EPHB1: variants seen among roughly 807,000 people sequenced by gnomAD.
EPHB1 encodes ephrin type-B receptor 1.
A neutral mutation model predicts 94.4 loss-of-function variants in EPHB1; 30 were observed. The ratio of observed to expected loss-of-function variants is 0.32; its 90% CI spans 0.24 to 0.43. The LOEUF (loss-of-function observed/expected upper bound fraction) is 0.43, where lower values mean the gene tolerates loss of function less well. EPHB1 is among the 20% of genes least tolerant of loss of function. The pLI is 1.00. For synonymous variants in EPHB1, 522 were observed against 489.1 expected, an observed-to-expected ratio of 1.07 and a Z score of -0.89; for missense variants, 1,055 against 1,308.3, an observed-to-expected ratio of 0.81 and a Z score of 2.99.
intron 3 of EPHB1, chr3:135,067,925 C>T (rs533961961): frequency 3.9e-5 from 6 of 152,350 alleles, no homozygotes; most frequent in African/African-American, 1.2e-4. Context: ...CAGGTAAGGT[C>T]GGAATCTTCT....
chr3:134,836,922 ATAGAC>A (rs2036682881), intron 1 of EPHB1, among the ~76,000 whole-genome samples: 1 of 152,244 alleles, frequency 6.6e-6, no homozygotes. Flanking sequence ...TGTCAATAGA[ATAGAC>A]TACTATTATT....
intron 6 of EPHB1, among the ~76,000 whole-genome samples, chr3:135,155,720 G>A (rs1183597257): frequency 1.4e-5 from 2 of 147,228 alleles, no homozygotes; most frequent in African/African-American, 2.6e-5. Context: ...AACCCAGGAG[G>A]TGGAGGTTGC....
chr3:134,833,323 TAG>T (rs2036610907), intron 1 of EPHB1, among the ~76,000 whole-genome samples: 1 of 152,206 alleles, frequency 6.6e-6, no homozygotes, highest in Non-Finnish European at 1.5e-5. Flanking sequence ...CTGCCCAGGA[TAG>T]AGTGTGCTGG....
intron 1 of EPHB1, among the ~76,000 whole-genome samples, chr3:134,872,855 G>A (rs2037531385): frequency 2.0e-5 from 3 of 152,146 alleles, no homozygotes. Context: ...ATTTTTCCCG[G>A]TATCCCTTGT....
intron 3 of EPHB1, among the ~76,000 whole-genome samples, chr3:135,044,715 C>A (rs944072895): frequency 2.6e-5 from 4 of 152,182 alleles, no homozygotes; most frequent in African/African-American, 9.7e-5. Context: ...ATAAATGACA[C>A]TGATTGTTCT....
At chr3:135,235,048 C>T (rs1413416011) in intron 12 of EPHB1, among the ~76,000 whole-genome samples, 1 of 152,224 alleles carries the variant, frequency 6.6e-6, no homozygotes, top group Non-Finnish European at 1.5e-5. Context: ...GGTTCTCAGG[C>T]TTGGTTGCTC....
chr3:134,863,697 G>T (rs991920393), intron 1 of EPHB1, among the ~76,000 whole-genome samples: 1 of 152,206 alleles, frequency 6.6e-6, no homozygotes, highest in African/African-American at 2.4e-5. Context: ...CACAAAGCCT[G>T]GAAATAGAAG....
chr3:135,091,143 T>A (rs1938535931), intron 3 of EPHB1, among the ~76,000 whole-genome samples: 1 of 152,154 alleles, frequency 6.6e-6, no homozygotes, highest in Non-Finnish European at 1.5e-5. Context: ...TAGATGCCCT[T>A]GCATCCCAGT....
Position 134,795,696 on chromosome 3 carries a change from T to G in EPHB1, c.58+7T>G. On this transcript the variant is annotated splice_region_variant and intron_variant, in intron 1 of 15. Coordinates refer to ENST00000398015, the MANE Select transcript of EPHB1 (RefSeq NM_004441.5). The stretch of plus-strand genomic sequence containing the variant: ...GCAGTGGCTGCGATGGAAGGTAACG[T>G]ACCCTCCACGGAGCAAGTTGGCTGC... 6.2e-7 allele frequency: 1 copy of G among 1,609,022 alleles called. No individual in the cohort carries two copies. Among genetic ancestry groups the G allele is most frequent in the Non-Finnish European group, 8.5e-7 (1 of 1,178,040 alleles).
intron 3 of EPHB1, among the ~76,000 whole-genome samples, chr3:135,049,401 A>G (rs900138805): frequency 6.6e-6 from 1 of 152,172 alleles, no homozygotes; most frequent in Admixed American, 6.5e-5. Context: ...GGTCGTCACA[A>G]AGGCTTCTTC....
At chr3:135,209,080 T>C (rs1377753625) in intron 12 of EPHB1, among the ~76,000 whole-genome samples, 1 of 152,204 alleles carries the variant, frequency 6.6e-6, no homozygotes, top group Non-Finnish European at 1.5e-5. Flanking sequence ...TAACAAGTTA[T>C]AATCTACTGA....
intron 2 of EPHB1, among the ~76,000 whole-genome samples, chr3:134,944,969 A>G (rs2039188374): frequency 1.3e-5 from 2 of 152,212 alleles, no homozygotes; most frequent in African/African-American, 4.8e-5. Context: ...CCCAAAAAGT[A>G]TCATAATGTG....
At chr3:135,226,837 GAA>G (rs918109527) in intron 12 of EPHB1, among the ~76,000 whole-genome samples, 1 of 149,830 alleles carries the variant, frequency 6.7e-6, no homozygotes, top group African/African-American at 2.5e-5. Flanking sequence ...AGTCATTAAG[GAA>G]AAAAAAAAAG....
intron 3 of EPHB1, among the ~76,000 whole-genome samples, chr3:135,073,550 T>C (rs1417587068): frequency 6.6e-6 from 1 of 152,196 alleles, no homozygotes; most frequent in Non-Finnish European, 1.5e-5. Context: ...AGATAAGAAT[T>C]CTTCAGAGTA....
chr3:134,998,111 G>A (rs1421127844), intron 3 of EPHB1, among the ~76,000 whole-genome samples: 3 of 152,174 alleles, frequency 2.0e-5, no homozygotes, highest in Admixed American at 2.0e-4. Flanking sequence ...TGCTCAGGTG[G>A]CACGGCAGAT....
intron 4 of EPHB1, among the ~76,000 whole-genome samples, chr3:135,107,625 A>G (rs972378312): frequency 3.9e-5 from 6 of 152,210 alleles, no homozygotes; most frequent in African/African-American, 1.4e-4. Context: ...TCCCCATCAC[A>G]GAAGAATATT....
chr3:135,170,806 G>A (rs1941784172), intron 9 of EPHB1, among the ~76,000 whole-genome samples: 1 of 152,198 alleles, frequency 6.6e-6, no homozygotes, highest in African/African-American at 2.4e-5. Context: ...TTTCTGAGTT[G>A]GCTGGAATGT....
Position 135,249,312 on chromosome 3 carries a change from ACCTGCCCATCTCTG to A in EPHB1, c.2691-23_2691-10del. 2 of 1,598,584 alleles carry A rather than the reference ACCTGCCCATCTCTG, an allele frequency of 1.3e-6. No individual in the cohort carries two copies. The highest frequency in any genetic ancestry group is 2.7e-5 in the African/African-American group (2 of 74,946). On this transcript the variant is annotated splice_polypyrimidine_tract_variant and intron_variant, in intron 14 of 15. Coordinates refer to ENST00000398015, the MANE Select transcript of EPHB1 (RefSeq NM_004441.5). ...CCATGCATCTCTGCAATGTGTGGTCACCTGCCCATCTCTGTCTCACCAGGCCTTCCCAGCCCCTG... is the reference window on the plus strand; with the variant it reads ...CCATGCATCTCTGCAATGTGTGGTCATCTCACCAGGCCTTCCCAGCCCCTG...
chr3:135,117,484 G>T (rs951808044), intron 4 of EPHB1, among the ~76,000 whole-genome samples: 2 of 152,202 alleles, frequency 1.3e-5, no homozygotes, highest in Non-Finnish European at 2.9e-5. Flanking sequence ...TCTGCAGTCT[G>T]AAGTCAACCT....
Sources: allele counts gnomAD v4.1 joint callset (sites outside exome capture counted in the v4.1 genomes callset), GRCh38; gene constraint gnomAD v4.1.1; transcripts MANE v1.5; gene names NCBI Gene and HGNC (gene_info 2026-07-23, HGNC 2026-07-21).